PAAF1: variants seen among roughly 807,000 people sequenced by gnomAD.
PAAF1 encodes proteasomal ATPase associated factor 1.
In PAAF1, 46 loss-of-function variants were observed where a neutral mutation model predicts 52.8. The ratio of observed to expected loss-of-function variants is 0.87; its 90% CI spans 0.69 to 1.11. The LOEUF (loss-of-function observed/expected upper bound fraction) is 1.11, where lower values mean the gene tolerates loss of function less well. Ranked by LOEUF, PAAF1 falls within the 50% of genes most tolerant of loss-of-function variation. The pLI is 0.00. For missense variants in PAAF1, 424 were observed against 477.4 expected, an observed-to-expected ratio of 0.89 and a Z score of 1.04; for synonymous variants, 178 against 172.8, an observed-to-expected ratio of 1.03 and a Z score of -0.24.
chr11:73,930,840 G>A lies in PAAF1; in HGVS notation c.*3478G>A, dbSNP rs1950449273. Reference sequence around the variant, plus strand: ...TAGAATGGTGGTTACAGAGACTCGGGGAGGAGGAATGGGGAAATGATGGTC... The same window carrying A: ...TAGAATGGTGGTTACAGAGACTCGGAGAGGAGGAATGGGGAAATGATGGTC... On this transcript the variant is annotated 3_prime_UTR_variant, in exon 12 of 12. Coordinates refer to ENST00000310571, the MANE Select transcript of PAAF1 (RefSeq NM_025155.3). 1 of 151,304 alleles carries A rather than the reference G, an allele frequency of 6.6e-6. No homozygotes were observed. Among genetic ancestry groups the A allele is most frequent in the South Asian group, 2.1e-4 (1 of 4,792 alleles). 9.4% of individuals were successfully genotyped at this position (151,304 alleles called of 1,614,324 possible).
chr11:73,897,688 AC>A (rs1949450379), intron 4 of PAAF1, among the ~76,000 whole-genome samples: 5 of 149,178 alleles, frequency 3.4e-5, no homozygotes, highest in African/African-American at 1.3e-4. Context: ...GAGGCTCCTC[AC>A]TTTCCAGACT....
intron 10 of PAAF1, among the ~76,000 whole-genome samples, chr11:73,922,972 G>C (rs1950263615): frequency 1.3e-5 from 2 of 152,078 alleles, no homozygotes; most frequent in Non-Finnish European, 2.9e-5. Context: ...AAAGTAGACA[G>C]AATGGCACGA....
Position 73,914,473 on chromosome 11 carries a change from T to C in PAAF1, c.788T>C (p.Leu263Pro). Residue 263 changes from leucine (L) to proline (P), a missense_variant, in exon 8 of 12, where the codon CTT becomes CCT. By Grantham distance (98) the Leu-to-Pro change is moderately conservative (BLOSUM62 -3). Coordinates refer to ENST00000310571, the MANE Select transcript of PAAF1 (RefSeq NM_025155.3). Reference sequence around the variant, plus strand: ...CTCTTGGCCCGGGAAGATAAGAAACTTCAGTGCTTGGGACTACAGAGCAGG... The same window carrying C: ...CTCTTGGCCCGGGAAGATAAGAAACCTCAGTGCTTGGGACTACAGAGCAGG... ...MLLLAREDKK[L>P]QCLGLQSRQL... The C allele has an allele frequency of 6.2e-7, 1 of 1,613,914 alleles. No homozygotes were observed. Among genetic ancestry groups the C allele is most frequent in the South Asian group, 1.1e-5 (1 of 91,080 alleles).
intron 10 of PAAF1, among the ~76,000 whole-genome samples, chr11:73,923,706 T>A (rs1169067770): frequency 6.6e-6 from 1 of 152,162 alleles, no homozygotes; most frequent in Non-Finnish European, 1.5e-5. Context: ...CGGCTAATTT[T>A]TTTTGTATTT....
At chr11:73,924,751 CT>C in intron 11 of PAAF1, 54 bp downstream of exon 11, 1 of 1,402,918 alleles carries the variant, frequency 7.1e-7, no homozygotes, top group East Asian at 2.3e-5. Context: ...AGATCTAGGG[CT>C]TTTATGAGAC....
chr11:73,898,053 C>G (rs1004182493), intron 4 of PAAF1, among the ~76,000 whole-genome samples: 102 of 152,130 alleles, frequency 6.7e-4, no homozygotes, highest in Non-Finnish European at 1.2e-4. Flanking sequence ...CGTGGCGGCG[C>G]GCGCCTGCAA....
chr11:73,879,390 A>G (rs1388927582), intron 2 of PAAF1: 1 of 152,216 alleles, frequency 6.6e-6, no homozygotes, highest in African/African-American at 2.4e-5. Context: ...GGAAGCTCCC[A>G]AGTCTTATCA....
At chr11:73,914,560 C>A in intron 8 of PAAF1, 56 bp downstream of exon 8, 1 of 1,453,880 alleles carries the variant, frequency 6.9e-7, no homozygotes, top group South Asian at 1.1e-5. Flanking sequence ...CACTCTGTGT[C>A]TTAGAAAGCT....
chr11:73,893,383 TA>T (rs1949248755), intron 4 of PAAF1, among the ~76,000 whole-genome samples: 1 of 152,232 alleles, frequency 6.6e-6, no homozygotes, highest in East Asian at 1.9e-4. Context: ...TTATATAAAT[TA>T]ATTAAATCTT....
At chr11:73,896,955 G>A (rs1377393244) in intron 4 of PAAF1, among the ~76,000 whole-genome samples, 5 of 147,024 alleles carry the variant, frequency 3.4e-5, no homozygotes, top group Non-Finnish European at 6.0e-5. Context: ...CCTCCCCGAC[G>A]GGGCGGCTGG....
At chr11:73,898,436 G>A (rs570313001) in intron 4 of PAAF1, among the ~76,000 whole-genome samples, 3 of 151,972 alleles carry the variant, frequency 2.0e-5, no homozygotes, top group African/African-American at 4.8e-5. Flanking sequence ...GGCTGGTCTC[G>A]AACTCCTGGG....
intron 6 of PAAF1, among the ~76,000 whole-genome samples, chr11:73,901,069 A>G (rs2135177571): frequency 6.7e-6 from 1 of 150,106 alleles, no homozygotes; most frequent in African/African-American, 2.5e-5. Context: ...GAAATCGTAT[A>G]CTTGTGTGCT....
intron 4 of PAAF1, among the ~76,000 whole-genome samples, chr11:73,895,282 A>C (rs983841104): frequency 2.0e-5 from 3 of 152,080 alleles, no homozygotes; most frequent in Non-Finnish European, 4.4e-5. Flanking sequence ...GAGGAGGAGG[A>C]GTTGTATTGG....
chr11:73,907,083 T>C (rs369844366), intron 6 of PAAF1, among the ~76,000 whole-genome samples: 1 of 149,908 alleles, frequency 6.7e-6, no homozygotes, highest in Admixed American at 6.6e-5. Context: ...TTTTTTCTCT[T>C]TTTTTTTTTC....
intron 6 of PAAF1, among the ~76,000 whole-genome samples, chr11:73,908,355 A>G (rs949595767): frequency 6.9e-6 from 1 of 143,972 alleles, no homozygotes; most frequent in Non-Finnish European, 1.5e-5. Context: ...ATGTGTATAT[A>G]TGTGTGTATA....
At chr11:73,914,339 T>C (rs1950007138) in intron 7 of PAAF1, 74 bp from the exon 8 acceptor site, 1 of 1,188,894 alleles carries the variant, frequency 8.4e-7, no homozygotes, top group Non-Finnish European at 1.2e-6. Context: ...TAATCAACCA[T>C]CAGTATTGGT....
intron 9 of PAAF1, among the ~76,000 whole-genome samples, chr11:73,917,152 C>G (rs1036889135): frequency 6.6e-6 from 1 of 152,112 alleles, no homozygotes; most frequent in Admixed American, 6.6e-5. Flanking sequence ...TCCTGAGTAG[C>G]TGGGATTACA....
intron 2 of PAAF1, among the ~76,000 whole-genome samples, chr11:73,884,847 T>C (rs991558253): frequency 6.6e-6 from 1 of 151,872 alleles, no homozygotes; most frequent in Non-Finnish European, 1.5e-5. Context: ...CTTGTTCTTT[T>C]TGACTTTCTT....
chr11:73,918,352 ATTTTTTTTTTTTTTTTTTT>A (rs1157984685), intron 9 of PAAF1, among the ~76,000 whole-genome samples: 42 of 71,740 alleles, frequency 5.9e-4, no homozygotes, highest in African/African-American at 1.9e-3. Context: ...CAGTTACTTA[ATTTTTTTTTTTTTTTTTTT>A]TTTTTTTTTT....
Sources: gnomAD v4.1 joint callset for allele counts (sites outside exome capture counted in the v4.1 genomes callset) on GRCh38, gnomAD v4.1.1 for gene constraint, MANE v1.5 for transcripts, NCBI Gene and HGNC (gene_info 2026-07-23, HGNC 2026-07-21) for gene names.